Variants in PCDHGA6 observed in about 807,000 individuals in gnomAD.
PCDHGA6 encodes the protein protocadherin gamma-A6.
A neutral mutation model predicts 60.6 loss-of-function variants in PCDHGA6; 41 were observed. The observed-to-expected ratio is 0.68, with a 90% CI of 0.53 to 0.88. The LOEUF is 0.88. Among genes scored for constraint, PCDHGA6 ranks in the 40% least tolerant of loss-of-function variants. PCDHGA6 has a pLI of 0.00. For missense variants in PCDHGA6, 1,312 were observed against 1,203.0 expected, an observed-to-expected ratio of 1.09 and a Z score of -1.34; for synonymous variants, 594 against 524.4, an observed-to-expected ratio of 1.13 and a Z score of -1.81.
chr5:141,384,530 G>A, intron 1 of PCDHGA6: 6 of 1,614,238 alleles, frequency 3.7e-6, no homozygotes, highest in Non-Finnish European at 5.1e-6. Flanking sequence ...CCTCTCAGCA[G>A]CAACATGTCA....
chr5:141,393,504 A>T, intron 1 of PCDHGA6: 1 of 1,614,036 alleles, frequency 6.2e-7, no homozygotes. Flanking sequence ...CATCCACGTG[A>T]CAGTGTTGGA....
chr5:141,409,415 G>C, intron 1 of PCDHGA6: 1 of 1,614,008 alleles, frequency 6.2e-7, no homozygotes. Context: ...CTACAAACTG[G>C]TGACAGATGG....
chr5:141,444,525 C>T (rs2098439670), intron 1 of PCDHGA6, among the ~76,000 whole-genome samples: 1 of 152,062 alleles, frequency 6.6e-6, no homozygotes, highest in African/African-American at 2.4e-5. Context: ...GTAGGTGAGA[C>T]AGTGACTGTG....
intron 2 of PCDHGA6, among the ~76,000 whole-genome samples, chr5:141,504,713 G>A (rs1443171981): frequency 1.3e-5 from 2 of 151,850 alleles, no homozygotes; most frequent in African/African-American, 2.4e-5. Context: ...TATGGCCGTG[G>A]ATTTTACTCT....
intron 1 of PCDHGA6, chr5:141,410,836 ATT>A (rs371761731): frequency 1.6e-5 from 4 of 254,870 alleles, no homozygotes; most frequent in African/African-American, 1.4e-4. Flanking sequence ...GACTGAAGAT[ATT>A]TTGTCTTTGT....
rs780671252 is a variant in PCDHGA6, at chr5:141,398,519, C to G, written c.2424+22012C>G. 3.1e-6 allele frequency: 5 copies of G among 1,595,048 alleles called. No homozygotes were observed. The Admixed American group carries it at 6.8e-5, about 22-fold the overall frequency. On this transcript the variant is annotated intron_variant, in intron 1 of 3. Coordinates refer to ENST00000517434, the MANE Select transcript of PCDHGA6 (RefSeq NM_018919.3). ...ATCGAGGACATTAATGACCACACGC[C>G]AAAATTCACGCAAAATTCCTTTGAG...
chr5:141,415,389 T>A lies in PCDHGA6; in HGVS notation c.2424+38882T>A, dbSNP rs1282535508. On this transcript the variant is annotated intron_variant, in intron 1 of 3. Transcript: ENST00000517434. ...AGGCTTCAGGAGGCGGCTTGACAGG[T>A]GTGTCCGGCTCGCACTTTGTGGGCG... 9.3e-6 allele frequency: 15 copies of A among 1,614,162 alleles called. No individual in the cohort carries two copies. The East Asian group carries it at 2.5e-4, about 26-fold the overall frequency.
chr5:141,459,295 A>C (rs571675117), intron 1 of PCDHGA6, among the ~76,000 whole-genome samples: 2 of 152,368 alleles, frequency 1.3e-5, no homozygotes, highest in South Asian at 4.1e-4. Context: ...ATGGAATCCT[A>C]TAACATATAC....
chr5:141,457,429 C>G (rs73280316), intron 1 of PCDHGA6, among the ~76,000 whole-genome samples: 1,780 of 152,292 alleles, frequency 0.012, 30 homozygotes, highest in African/African-American at 0.04. Context: ...TTTTCCCCCC[C>G]ACCAAGCTGC....
At position 141,494,758 on chromosome 5, in the gene PCDHGA6, T is replaced by C. The variant is rs370692038; in HGVS notation, c.2425-49T>C. ...CCATCCCTAGGGGCTCGGGTGACAT[T>C]CTAACTTCTCACGGGTACTCAGCCC... On this transcript the variant is annotated intron_variant, in intron 1 of 3. Transcript: ENST00000517434. The C allele has an allele frequency of 1.3e-5, 21 of 1,613,682 alleles. No homozygotes were observed. The African/African-American group carries it at 2.7e-4, about 21-fold the overall frequency.
rs62378448 is a variant in PCDHGA6, at chr5:141,400,064, G to C, written c.2424+23557G>C. On this transcript the variant is annotated intron_variant, in intron 1 of 3. Transcript: ENST00000517434. ...CTGCTGGTTGCTGTGCGTGATGGTG[G>C]ACAGCCGCCACTCTCCGCCACCGCC... The C allele has an allele frequency of 7.6e-4, 1,225 of 1,613,770 alleles. No homozygotes were observed. The highest frequency in any genetic ancestry group is 9.7e-4 in the Non-Finnish European group (1,150 of 1,179,858).
chr5:141,490,279 G>A lies in PCDHGA6; in HGVS notation c.2425-4528G>A, dbSNP rs1344083401. The A allele has an allele frequency of 5.6e-6, 9 of 1,614,228 alleles. No individual in the cohort carries two copies. In the East Asian group the frequency reaches 1.8e-4, roughly 32 times the overall value. On this transcript the variant is annotated intron_variant, in intron 1 of 3. Coordinates refer to ENST00000517434, the MANE Select transcript of PCDHGA6 (RefSeq NM_018919.3). This position sits in a 1 kb window ranked among gnomAD's most constrained non-coding sequence, Gnocchi z 5.4. ...GGATGTGGGGGATGTCAATGACAAT[G>A]CCCCAGAGGTGCTATTGGCCTCTTT...
rs978109236 is a variant in PCDHGA6, at chr5:141,418,889, A to G, written c.2424+42382A>G. 1.9e-6 allele frequency: 3 copies of G among 1,614,020 alleles called. No homozygotes were observed. The African/African-American group carries it at 4.0e-5, about 21-fold the overall frequency. On this transcript the variant is annotated intron_variant, in intron 1 of 3. Coordinates refer to ENST00000517434, the MANE Select transcript of PCDHGA6 (RefSeq NM_018919.3). Reference sequence around the variant, plus strand: ...AGAAGTTGTAGACGAAAACGACAACAGCCCAGAAATAATCATCACGTCACT... The same window carrying G: ...AGAAGTTGTAGACGAAAACGACAACGGCCCAGAAATAATCATCACGTCACT...
At chr5:141,401,566 C>G (rs2094168998) in intron 1 of PCDHGA6, among the ~76,000 whole-genome samples, 1 of 152,312 alleles carries the variant, frequency 6.6e-6, no homozygotes, top group African/African-American at 2.4e-5. Context: ...CTGAATTTCT[C>G]TTGCTCGGAA....
chr5:141,411,028 T>C (rs2095458130), intron 1 of PCDHGA6: 1 of 163,058 alleles, frequency 6.1e-6, no homozygotes, highest in Admixed American at 6.2e-5. Flanking sequence ...TTTTTTGTAT[T>C]TTTAGTAGAC....
chr5:141,432,753 C>G lies in PCDHGA6; in HGVS notation c.2424+56246C>G. ...ACTGTCACGCTCACCGTGGCCGTGGCCGACAGCATCCCCCAAGTCCTGGCG... is the reference window on the plus strand; with the variant it reads ...ACTGTCACGCTCACCGTGGCCGTGGGCGACAGCATCCCCCAAGTCCTGGCG... On this transcript the variant is annotated intron_variant, in intron 1 of 3. Coordinates refer to ENST00000517434, the MANE Select transcript of PCDHGA6 (RefSeq NM_018919.3). The surrounding 1 kb of genome is among the most constrained non-coding windows in gnomAD (Gnocchi z 6.0). 1 of 1,614,138 alleles carries G rather than the reference C, an allele frequency of 6.2e-7. No individual in the cohort carries two copies. The highest frequency in any genetic ancestry group is 8.5e-7 in the Non-Finnish European group (1 of 1,179,996).
intron 1 of PCDHGA6, chr5:141,428,181 AG>A (rs776102500): frequency 6.7e-7 from 1 of 1,486,230 alleles, no homozygotes; most frequent in Admixed American, 1.8e-5. Context: ...GACGGAGGAC[AG>A]CCGCCGCTCT....
intron 1 of PCDHGA6, chr5:141,399,007 A>G (rs1403288140): frequency 6.2e-7 from 1 of 1,613,948 alleles, no homozygotes. Flanking sequence ...GAATTCAAAG[A>G]GCGGAGAAAT....
rs2096315825 is a variant in PCDHGA6 at position 141,419,028 on chromosome 5, T to C, written c.2424+42521T>C. On this transcript the variant is annotated intron_variant, in intron 1 of 3. Coordinates refer to ENST00000517434, the MANE Select transcript of PCDHGA6 (RefSeq NM_018919.3). ...GTCAGGTGTAGCTTAAGTAGAGGTG[T>C]TCCATTTAAGATTCATTCTTCTTCT... 5.0e-6 allele frequency: 8 copies of C among 1,613,638 alleles called. No individual in the cohort carries two copies. The South Asian group carries it at 8.8e-5, about 18-fold the overall frequency.
Sources: gnomAD v4.1 joint callset for allele counts (sites outside exome capture counted in the v4.1 genomes callset) on GRCh38, gnomAD v4.1.1 for gene constraint, Gnocchi (gnomAD v3.1) non-coding constraint, MANE v1.5 for transcripts, NCBI Gene and HGNC (gene_info 2026-07-23, HGNC 2026-07-21) for gene names.